SEMA6D: variants seen among roughly 807,000 people sequenced by gnomAD.
SEMA6D encodes the protein semaphorin 6D.
Under a neutral mutation model 106.6 loss-of-function variants are expected in SEMA6D, and 35 were observed. That is an observed-to-expected ratio of 0.33 (90% CI 0.25 to 0.44). SEMA6D has a LOEUF of 0.44. SEMA6D is among the 20% of genes least tolerant of loss of function. The pLI is 1.00. For missense variants in SEMA6D, 1,185 were observed against 1,345.9 expected, an observed-to-expected ratio of 0.88 and a Z score of 1.87; for synonymous variants, 499 against 487.7, an observed-to-expected ratio of 1.02 and a Z score of -0.31.
At chr15:47,265,464 T>C (rs2034273741) in intron 1 of SEMA6D, among the ~76,000 whole-genome samples, 1 of 152,014 alleles carries the variant, frequency 6.6e-6, no homozygotes, top group Non-Finnish European at 1.5e-5. Flanking sequence ...TTATTAATAT[T>C]CTCCATTTGG....
chr15:47,532,405 G>GT (rs1404595318), intron 3 of SEMA6D, among the ~76,000 whole-genome samples: 1 of 152,166 alleles, frequency 6.6e-6, no homozygotes, highest in Non-Finnish European at 1.5e-5. Flanking sequence ...CTCTGGGTTT[G>GT]CACCGTTATT....
chr15:47,581,601 G>C (rs1030859947), intron 3 of SEMA6D, among the ~76,000 whole-genome samples: 1 of 152,146 alleles, frequency 6.6e-6, no homozygotes, highest in Non-Finnish European at 1.5e-5. Context: ...ATTTGTGGGG[G>C]TAAGGGACGC....
intron 1 of SEMA6D, among the ~76,000 whole-genome samples, chr15:47,384,814 G>GTTTTTTTTTTTTTTTTTTT (rs1168068495): frequency 1.5e-5 from 1 of 65,694 alleles, no homozygotes; most frequent in African/African-American, 5.3e-5. Context: ...GATTACTAAA[G>GTTTTTTTTTTTTTTTTTTT]TTTTTTTTTT....
intron 1 of SEMA6D, among the ~76,000 whole-genome samples, chr15:47,725,894 A>T (rs2079713835): frequency 6.6e-6 from 1 of 152,254 alleles, no homozygotes; most frequent in Non-Finnish European, 1.5e-5. Flanking sequence ...TGTGACAGAT[A>T]GTCTTAGAGA....
At chr15:47,615,365 G>A (rs772813622) in intron 4 of SEMA6D, among the ~76,000 whole-genome samples, 4 of 152,092 alleles carry the variant, frequency 2.6e-5, no homozygotes, top group East Asian at 1.9e-4. Context: ...GTGGATTTTG[G>A]TATCCACAGG....
intron 2 of SEMA6D, among the ~76,000 whole-genome samples, chr15:47,419,437 T>A (rs1156248378): frequency 6.6e-6 from 1 of 151,926 alleles, no homozygotes; most frequent in Non-Finnish European, 1.5e-5. Context: ...TATGCTAAAA[T>A]CTCCAATGAA....
At chr15:47,614,248 G>A (rs1185403896) in intron 4 of SEMA6D, among the ~76,000 whole-genome samples, 1 of 152,104 alleles carries the variant, frequency 6.6e-6, no homozygotes, top group African/African-American at 2.4e-5. Flanking sequence ...CACTTCCCTG[G>A]CATCTCTCTG....
At chr15:47,453,138 T>A (rs1267206835) in intron 2 of SEMA6D, among the ~76,000 whole-genome samples, 1 of 151,952 alleles carries the variant, frequency 6.6e-6, no homozygotes, top group African/African-American at 2.4e-5. Flanking sequence ...TTGTTCAGAA[T>A]CTAAAATAGT....
intron 1 of SEMA6D, among the ~76,000 whole-genome samples, chr15:47,754,299 C>G (rs760775742): frequency 3.3e-5 from 5 of 152,168 alleles, no homozygotes; most frequent in Non-Finnish European, 7.3e-5. Context: ...ATTCCCCTGC[C>G]TAAAGAACTC....
At chr15:47,524,688 C>A (rs1008406046) in intron 3 of SEMA6D, among the ~76,000 whole-genome samples, 1 of 152,186 alleles carries the variant, frequency 6.6e-6, no homozygotes, top group African/African-American at 2.4e-5. Flanking sequence ...GCAAGGAAGT[C>A]TCTTCTTCAC....
intron 1 of SEMA6D, among the ~76,000 whole-genome samples, chr15:47,286,507 A>G (rs1009485479): frequency 6.6e-6 from 1 of 152,218 alleles, no homozygotes; most frequent in Non-Finnish European, 1.5e-5. Context: ...AAAATATTCC[A>G]TGTGAAGAGT....
intron 4 of SEMA6D, among the ~76,000 whole-genome samples, chr15:47,657,169 T>C (rs1411826038): frequency 2.0e-5 from 3 of 152,182 alleles, no homozygotes; most frequent in Non-Finnish European, 2.9e-5. Context: ...TAAAAAGTAA[T>C]GCTAACATTT....
At chr15:47,640,371 G>A (rs1444633474) in intron 4 of SEMA6D, among the ~76,000 whole-genome samples, 2 of 152,110 alleles carry the variant, frequency 1.3e-5, no homozygotes, top group Admixed American at 1.3e-4. Flanking sequence ...AAATATATCG[G>A]TCTGTAATCT....
At chr15:47,469,427 A>G (rs1567101746) in intron 2 of SEMA6D, among the ~76,000 whole-genome samples, 1 of 152,012 alleles carries the variant, frequency 6.6e-6, no homozygotes, top group Non-Finnish European at 1.5e-5. Context: ...TTTTTGAGAA[A>G]TGTTAAGAAA....
chr15:47,306,062 A>G (rs1398000768), intron 1 of SEMA6D, among the ~76,000 whole-genome samples: 1 of 151,996 alleles, frequency 6.6e-6, no homozygotes, highest in Admixed American at 6.6e-5. Context: ...GCTCACTGCA[A>G]TCTCTGCCTC....
chr15:47,740,369 A>G (rs557506462), intron 1 of SEMA6D, among the ~76,000 whole-genome samples: 1 of 152,020 alleles, frequency 6.6e-6, no homozygotes, highest in Admixed American at 6.6e-5. Context: ...AAATACAAAA[A>G]TTTAACTGGG....
intron 3 of SEMA6D, among the ~76,000 whole-genome samples, chr15:47,577,873 A>G (rs2076183564): frequency 6.8e-6 from 1 of 146,306 alleles, no homozygotes; most frequent in South Asian, 2.2e-4. Flanking sequence ...TATGTGTAAA[A>G]AAATGTCTTA....
intron 3 of SEMA6D, among the ~76,000 whole-genome samples, chr15:47,580,689 G>A (rs1227344289): frequency 6.6e-6 from 1 of 152,158 alleles, no homozygotes; most frequent in Non-Finnish European, 1.5e-5. Context: ...GGCTGCCTAG[G>A]TGCTGGGAAT....
intron 1 of SEMA6D, among the ~76,000 whole-genome samples, chr15:47,408,064 G>A (rs925663766): frequency 6.6e-5 from 10 of 152,054 alleles, no homozygotes; most frequent in African/African-American, 1.9e-4. Context: ...TTTCATTTGC[G>A]CTGTCCAAAT....
Sources: allele counts gnomAD v4.1 joint callset (sites outside exome capture counted in the v4.1 genomes callset), GRCh38; gene constraint gnomAD v4.1.1; transcripts MANE v1.5; gene names NCBI Gene and HGNC (gene_info 2026-07-23, HGNC 2026-07-21).